Variants in EYS observed in about 807,000 individuals in gnomAD.
EYS encodes the protein protein eyes shut homolog.
EYS carries 250 observed loss-of-function variants against 282.1 expected under a neutral mutation model. The observed-to-expected ratio is 0.89, with a 90% CI of 0.80 to 0.98. The LOEUF (loss-of-function observed/expected upper bound fraction) is 0.98. Ranked by LOEUF, EYS falls within the 50% of genes least tolerant of loss-of-function variation. The pLI, the probability that EYS is intolerant of heterozygous loss-of-function variation, is 0.00. For synonymous variants in EYS, 1,355 were observed against 1,282.9 expected (o/e 1.06, Z -1.20); for missense variants, 4,016 against 3,709.0 (o/e 1.08, Z -2.15).
intron 13 of EYS, among the ~76,000 whole-genome samples, chr6:65,021,272 G>C (rs1383335150): frequency 3.3e-5 from 5 of 152,090 alleles, no homozygotes; most frequent in African/African-American, 1.2e-4. Context: ...CTTAGAAATT[G>C]CTTCTGCTAA....
chr6:63,827,252 C>A (rs535254016), intron 36 of EYS, among the ~76,000 whole-genome samples: 1 of 152,172 alleles, frequency 6.6e-6, no homozygotes, highest in Non-Finnish European at 1.5e-5. Flanking sequence ...GCACCTAACA[C>A]TGGAGCTCCC....
At chr6:65,331,778 T>C (rs1769805651) in intron 11 of EYS, 2 of 937,848 alleles carry the variant, frequency 2.1e-6, no homozygotes, top group African/African-American at 1.8e-5. Flanking sequence ...GGCTTACTAC[T>C]TTTCCTTATC....
intron 22 of EYS, among the ~76,000 whole-genome samples, chr6:64,663,937 C>A (rs1222603303): frequency 6.6e-6 from 1 of 152,200 alleles, no homozygotes; most frequent in Non-Finnish European, 1.5e-5. Context: ...TAGGATGAAC[C>A]TGGGCACTTA....
intron 12 of EYS, among the ~76,000 whole-genome samples, chr6:65,181,604 T>C (rs139643598): frequency 6.6e-6 from 1 of 152,266 alleles, no homozygotes; most frequent in Non-Finnish European, 1.5e-5. Context: ...TTTCACACTG[T>C]TGGTGGGACT....
At chr6:65,633,884 G>A (rs1189814919) in intron 2 of EYS, among the ~76,000 whole-genome samples, 1 of 152,228 alleles carries the variant, frequency 6.6e-6, no homozygotes, top group Non-Finnish European at 1.5e-5. Flanking sequence ...AAGGTAAGTA[G>A]TTGGGAGAAA....
chr6:65,690,943 T>A (rs1241096835), intron 1 of EYS, among the ~76,000 whole-genome samples: 2 of 150,556 alleles, frequency 1.3e-5, no homozygotes, highest in African/African-American at 4.8e-5. Context: ...CAGTATTCCA[T>A]GGTGTATATG....
rs778752557 is a variant in EYS, at chr6:64,591,465, C to G, written c.4402G>C (p.Asp1468His). ...GAATCAGCTGAATATTCTTCAATAT[C>G]CTCTTGAGCCCCCCTAGAGACAACT... ...TPVVSRGAQE[D>H]IEEYSADSLI... Residue 1468 changes from aspartate to histidine, a missense_variant, in exon 26 of 43, where the codon GAT becomes CAT. Asp to His is a moderately conservative substitution (Grantham distance 81). Coordinates refer to ENST00000503581, the MANE Select transcript of EYS (RefSeq NM_001142800.2). 8.1e-5 allele frequency: 126 copies of G among 1,551,182 alleles called. No individual in the cohort carries two copies. In the African/African-American group the frequency reaches 1.3e-3, roughly 16 times the overall value.
rs182972832 is a variant in EYS at position 64,494,639 on chromosome 6, T to C, written c.5645-55287A>G. On this transcript the variant is annotated intron_variant, in intron 26 of 42. Coordinates refer to ENST00000503581, the MANE Select transcript of EYS (RefSeq NM_001142800.2). The stretch of plus-strand genomic sequence containing the variant: ...AATGGCTTGGTTCTGCATGGAACTT[T>C]TGGTCTTTTCATATTTGTAGTTCCA... 7.9e-5 allele frequency among the ~76,000 whole-genome samples: 12 copies of C among 151,880 alleles called. No homozygotes were observed. The East Asian group carries it at 2.3e-3, about 30-fold the overall frequency.
rs574695859 is a variant in EYS at position 63,851,453 on chromosome 6, G to T, written c.7228+12733C>A. ...CACCCCTCAGCAACTGCAGAAGAAT[G>T]GAAATCATAACAAACAGTCTCTCAG... is the stretch of plus-strand genomic sequence containing the variant. On this transcript the variant is annotated intron_variant, in intron 36 of 42. Transcript: ENST00000503581. 3.3e-5 allele frequency among the ~76,000 whole-genome samples: 5 copies of T among 152,096 alleles called. No homozygotes were observed. In the East Asian group the frequency reaches 9.7e-4, roughly 29 times the overall value.
At chr6:64,835,879 T>C (rs1262611126) in intron 19 of EYS, among the ~76,000 whole-genome samples, 1 of 151,572 alleles carries the variant, frequency 6.6e-6, no homozygotes, top group East Asian at 1.9e-4. Context: ...ATCAGTTCAG[T>C]TGTGAATCAG....
intron 19 of EYS, among the ~76,000 whole-genome samples, chr6:64,853,459 T>G (rs942244194): frequency 1.3e-5 from 2 of 152,176 alleles, no homozygotes; most frequent in Non-Finnish European, 2.9e-5. Context: ...AAGCTTCTGT[T>G]ATACTTTTTT....
chr6:65,385,847 A>G (rs759477376), intron 7 of EYS, among the ~76,000 whole-genome samples: 1 of 152,014 alleles, frequency 6.6e-6, no homozygotes, highest in Non-Finnish European at 1.5e-5. Flanking sequence ...ATCACTCCAA[A>G]TACCAACTTA....
At chr6:65,654,749 G>A (rs1268118787) in intron 1 of EYS, among the ~76,000 whole-genome samples, 1 of 151,516 alleles carries the variant, frequency 6.6e-6, no homozygotes, top group African/African-American at 2.4e-5. Flanking sequence ...AACTAAAATT[G>A]TTCCTGAGAA....
At chr6:64,346,486 A>AG (rs751372096) in intron 29 of EYS, among the ~76,000 whole-genome samples, 14 of 151,076 alleles carry the variant, frequency 9.3e-5, no homozygotes. Flanking sequence ...CTCACTCTTA[A>AG]GTGGGAATTG....
At chr6:64,889,388 A>G (rs953969319) in intron 18 of EYS, among the ~76,000 whole-genome samples, 2 of 152,012 alleles carry the variant, frequency 1.3e-5, no homozygotes, top group Admixed American at 6.6e-5. Context: ...TTGAAGATAC[A>G]TGAAAGGATT....
intron 22 of EYS, among the ~76,000 whole-genome samples, chr6:64,636,983 A>C (rs1163693699): frequency 8.1e-6 from 1 of 123,400 alleles, no homozygotes; most frequent in Non-Finnish European, 1.7e-5. Context: ...CACTTCTTTT[A>C]CACTGTTGGT....
intron 2 of EYS, among the ~76,000 whole-genome samples, chr6:65,589,485 T>A (rs1043541305): frequency 6.6e-6 from 1 of 151,984 alleles, no homozygotes; most frequent in East Asian, 1.9e-4. Flanking sequence ...CACACACTTG[T>A]ACACACACTC....
chr6:65,225,085 T>G (rs1766584881), intron 12 of EYS, among the ~76,000 whole-genome samples: 1 of 151,990 alleles, frequency 6.6e-6, no homozygotes, highest in Admixed American at 6.6e-5. Context: ...GTGAGGAAAG[T>G]GTTACCCTTA....
chr6:65,337,920 T>G (rs931082635), intron 10 of EYS, among the ~76,000 whole-genome samples: 1 of 151,008 alleles, frequency 6.6e-6, no homozygotes, highest in East Asian at 1.9e-4. Flanking sequence ...AACACAGACT[T>G]ACTTCATATA....
Sources: gnomAD v4.1 joint callset for allele counts (sites outside exome capture counted in the v4.1 genomes callset) on GRCh38, gnomAD v4.1.1 for gene constraint, MANE v1.5 for transcripts, NCBI Gene and HGNC (gene_info 2026-07-23, HGNC 2026-07-21) for gene names.